Variants in MYOM1 observed in about 807,000 individuals in gnomAD.
MYOM1 encodes myomesin-1.
A neutral mutation model predicts 205.3 loss-of-function variants in MYOM1; 164 were observed. That is an observed-to-expected ratio of 0.80 (90% CI 0.70 to 0.91). The LOEUF (loss-of-function observed/expected upper bound fraction) is 0.91, where lower values mean the gene tolerates loss of function less well. MYOM1 is among the 40% of genes least tolerant of loss of function. The pLI is 0.00. For missense variants in MYOM1, 2,011 were observed against 2,127.3 expected (o/e 0.95, Z 1.08); for synonymous variants, 772 against 789.4 (o/e 0.98, Z 0.37).
intron 5 of MYOM1, among the ~76,000 whole-genome samples, chr18:3,176,811 G>A (rs527758502): frequency 2.0e-5 from 3 of 152,258 alleles, no homozygotes; most frequent in East Asian, 3.9e-4. Context: ...GAACCCAGGA[G>A]GCGGAGGTTG....
At chr18:3,247,019 G>A in the MYOM1 span, 1 of 152,428 alleles carries the variant, frequency 6.6e-6, no homozygotes, top group South Asian at 2.1e-4. Context: ...CCTAATCGTA[G>A]CAAGAGGTGC....
rs1409806023 is a variant in MYOM1, at chr18:3,219,630, C to T, written c.-29+173G>A. Among the ~76,000 whole-genome samples, 2 of 152,202 alleles carry T rather than the reference C, an allele frequency of 1.3e-5. No individual in the cohort carries two copies. The highest frequency in any genetic ancestry group is 4.8e-5 in the African/African-American group (2 of 41,444). ...AAGAGCTGTGCCAGCCCGACTGGCACCCGGCTGTTCTGGTTTCCCTCCCTG... is the reference window on the plus strand; with the variant it reads ...AAGAGCTGTGCCAGCCCGACTGGCATCCGGCTGTTCTGGTTTCCCTCCCTG... On this transcript the variant is annotated intron_variant, in intron 1 of 37. Coordinates refer to ENST00000356443, the MANE Select transcript of MYOM1 (RefSeq NM_003803.4). The surrounding 1 kb of genome is among the most constrained non-coding windows in gnomAD (Gnocchi z 4.4).
chr18:3,210,322 G>T (rs971398337), intron 2 of MYOM1, among the ~76,000 whole-genome samples: 3 of 152,142 alleles, frequency 2.0e-5, no homozygotes, highest in Admixed American at 2.0e-4. Context: ...ATGTTAGTGT[G>T]GTCTTCACCA....
intron 10 of MYOM1, among the ~76,000 whole-genome samples, chr18:3,155,479 C>T (rs1415818430): frequency 1.3e-5 from 2 of 152,214 alleles, no homozygotes; most frequent in South Asian, 2.1e-4. Context: ...CCGCCTCGGC[C>T]TCCCAAAGTG....
chr18:3,225,926 T>C, the MYOM1 span, among the ~76,000 whole-genome samples: 3 of 152,228 alleles, frequency 2.0e-5, no homozygotes, highest in Non-Finnish European at 4.4e-5. Flanking sequence ...GACTGAAGTA[T>C]TGCCCTTTCA....
At chr18:3,181,164 T>C (rs1037487598) in intron 5 of MYOM1, among the ~76,000 whole-genome samples, 2 of 152,154 alleles carry the variant, frequency 1.3e-5, no homozygotes, top group African/African-American at 4.8e-5. Flanking sequence ...TGACCTCAGG[T>C]GATCTGCCTG....
chr18:3,214,161 TTAGA>T (rs2081225441), intron 2 of MYOM1, among the ~76,000 whole-genome samples: 1 of 152,214 alleles, frequency 6.6e-6, no homozygotes, highest in African/African-American at 2.4e-5. Flanking sequence ...GTATTTGCTA[TTAGA>T]TATTGAAAAA....
chr18:3,113,376 C>T (rs1230846225), intron 21 of MYOM1, among the ~76,000 whole-genome samples: 7 of 151,584 alleles, frequency 4.6e-5, no homozygotes, highest in African/African-American at 9.7e-5. Context: ...GTTGCTCAGG[C>T]GGAGTACAGT....
Position 3,089,537 on chromosome 18 carries a change from C to T in MYOM1, c.4069G>A (p.Gly1357Ser), listed in dbSNP as rs764283357. ...CTCTTTATCCACGGCCTATTTTTAC[C>T]TTGTTTCCTGATCCATTCTTGCCGC... is the stretch of plus-strand genomic sequence containing the variant. ...FQRQEWIRKQ[G>S]PHFVEYLSWE... Residue 1357 changes from glycine to serine, a missense_variant and splice_region_variant, in exon 28 of 38, where the codon GGT (glycine) becomes AGT (serine). By Grantham distance (56) the Gly-to-Ser change is moderately conservative (BLOSUM62 0). Transcript: ENST00000356443. The T allele has an allele frequency of 3.7e-6, 6 of 1,604,896 alleles. No individual in the cohort carries two copies. In the South Asian group the frequency reaches 6.7e-5, roughly 18 times the overall value.
At chr18:3,108,476 A>T (rs2079480287) in intron 22 of MYOM1, among the ~76,000 whole-genome samples, 1 of 152,222 alleles carries the variant, frequency 6.6e-6, no homozygotes, top group Non-Finnish European at 1.5e-5. Flanking sequence ...ATGATACTCA[A>T]ATGGATGATT....
In MYOM1 at chr18:3,129,350, G is replaced by A. The variant is rs200889648; in HGVS notation, c.2676C>T (p.Gly892=). Residue 892 remains glycine (G), a synonymous_variant, in exon 18 of 38, where the codon GGC becomes GGT. Transcript: ENST00000356443. Reference sequence around the variant, plus strand: ...CACTTACTTTACTCACTTCTGTTTGGCCCAGGTTTTGAGAGCTACTGGGTA... The same window carrying A: ...CACTTACTTTACTCACTTCTGTTTGACCCAGGTTTTGAGAGCTACTGGGTA... ...PSLPSSSQNL[G]QTEVSKVSET... is the part of the protein sequence containing the mutation. 1.2e-6 allele frequency: 2 copies of A among 1,613,968 alleles called. No individual in the cohort carries two copies. The highest frequency in any genetic ancestry group is 1.7e-6 in the Non-Finnish European group (2 of 1,179,888).
Position 3,188,739 on chromosome 18 carries a change from T to C in MYOM1, c.771+9A>G, listed in dbSNP as rs1470834924. ...CCTTTGTAAGTTACTTTAAACTGTC[T>C]TTTCTTACTGTTTTCCTCAGGGACA... On this transcript the variant is annotated intron_variant, in intron 4 of 37. Coordinates refer to ENST00000356443, the MANE Select transcript of MYOM1 (RefSeq NM_003803.4). 4.5e-6 allele frequency: 7 copies of C among 1,553,108 alleles called. No individual in the cohort carries two copies. In the African/African-American group the frequency reaches 6.8e-5, roughly 15 times the overall value.
intron 1 of MYOM1, chr18:3,216,937 G>A (rs2081275217): frequency 6.6e-6 from 1 of 152,216 alleles, no homozygotes; most frequent in African/African-American, 2.4e-5. Flanking sequence ...AGGAAGTTGA[G>A]TTAAAATTAG....
chr18:3,243,320 C>T, the MYOM1 span, among the ~76,000 whole-genome samples: 2 of 152,096 alleles, frequency 1.3e-5, no homozygotes, highest in African/African-American at 2.4e-5. Flanking sequence ...TAGGCAAAAC[C>T]AGAATGTAAG....
In MYOM1 at chr18:3,209,037, C is replaced by T. The variant is rs558612251; in HGVS notation, c.290+5897G>A. Among the ~76,000 whole-genome samples the T allele has an allele frequency of 8.5e-5, 13 of 152,266 alleles. No homozygotes were observed. In the East Asian group the frequency reaches 1.4e-3, roughly 16 times the overall value. On this transcript the variant is annotated intron_variant, in intron 2 of 37. Coordinates refer to ENST00000356443, the MANE Select transcript of MYOM1 (RefSeq NM_003803.4). This position sits in a 1 kb window ranked among gnomAD's most constrained non-coding sequence, Gnocchi z 4.0. ...CAGTCTCCAGATGGATTTGAGTCTC[C>T]ATACAACTATGGTTATTTCAAGGTG...
At chr18:3,187,907 T>C (rs146921652) in intron 4 of MYOM1, among the ~76,000 whole-genome samples, 29 of 148,832 alleles carry the variant, frequency 1.9e-4, no homozygotes, top group Admixed American at 3.4e-4. Flanking sequence ...TGGTGCAACC[T>C]GCATCACTGC....
chr18:3,081,817 A>G (rs1020635089), intron 33 of MYOM1, among the ~76,000 whole-genome samples: 6 of 152,238 alleles, frequency 3.9e-5, no homozygotes, highest in African/African-American at 1.4e-4. Context: ...GAAATAATAA[A>G]TCATAATACT....
chr18:3,088,482 G>C (rs111366840), intron 29 of MYOM1, among the ~76,000 whole-genome samples: 99 of 152,206 alleles, frequency 6.5e-4, no homozygotes, highest in African/African-American at 2.3e-3. Flanking sequence ...CTTGGGTTCT[G>C]GCTTTTATCA....
At chr18:3,120,601 C>A (rs78971231) in intron 19 of MYOM1, among the ~76,000 whole-genome samples, 1 of 152,138 alleles carries the variant, frequency 6.6e-6, no homozygotes, top group South Asian at 2.1e-4. Context: ...GACCCTGCAA[C>A]GCCGTGCGCA....
Sources: gnomAD v4.1 joint callset for allele counts (sites outside exome capture counted in the v4.1 genomes callset) on GRCh38, gnomAD v4.1.1 for gene constraint, Gnocchi (gnomAD v3.1) non-coding constraint, MANE v1.5 for transcripts, NCBI Gene and HGNC (gene_info 2026-07-23, HGNC 2026-07-21) for gene names.